The following CA10 variants were observed in gnomAD, a reference collection of about 807,000 sequenced individuals.
CA10 encodes the protein carbonic anhydrase 10 (inactive), also known as carbonic anhydrase-related protein 10.
A neutral mutation model predicts 44.2 loss-of-function variants in CA10; 14 were observed. That is an observed-to-expected ratio of 0.32 (90% CI 0.21 to 0.50). The LOEUF (loss-of-function observed/expected upper bound fraction) is 0.50, where lower values mean the gene tolerates loss of function less well. Among genes scored for constraint, CA10 ranks in the 20% least tolerant of loss-of-function variants. The pLI, the probability that CA10 is intolerant of heterozygous loss-of-function variation, is 0.99. For missense variants in CA10, 350 were observed against 409.7 expected, an observed-to-expected ratio of 0.85 and a Z score of 1.26; for synonymous variants, 159 against 141.6, an observed-to-expected ratio of 1.12 and a Z score of -0.87.
intron 2 of CA10, among the ~76,000 whole-genome samples, chr17:51,957,168 A>T (rs1983698045): frequency 6.6e-6 from 1 of 152,214 alleles, no homozygotes; most frequent in Admixed American, 6.5e-5. Context: ...TTGCGAGTTA[A>T]TTAAAGTAGA....
chr17:51,872,451 A>G (rs1244996220), intron 3 of CA10, among the ~76,000 whole-genome samples: 9 of 152,158 alleles, frequency 5.9e-5, no homozygotes, highest in Non-Finnish European at 1.2e-4. Context: ...TATCAGCCCC[A>G]TCCCACCAGA....
chr17:51,912,493 G>GA (rs1026356878), intron 3 of CA10, among the ~76,000 whole-genome samples: 1 of 151,720 alleles, frequency 6.6e-6, no homozygotes, highest in Non-Finnish European at 1.5e-5. Flanking sequence ...CAATGAAAAA[G>GA]AAAAAAAGAA....
At chr17:51,899,865 C>T (rs1489471513) in intron 3 of CA10, among the ~76,000 whole-genome samples, 2 of 151,314 alleles carry the variant, frequency 1.3e-5, no homozygotes, top group Non-Finnish European at 2.9e-5. Context: ...ATATCAACTC[C>T]TGATTTGTTT....
intron 2 of CA10, among the ~76,000 whole-genome samples, chr17:51,989,630 A>C (rs1984970725): frequency 6.6e-6 from 1 of 152,072 alleles, no homozygotes; most frequent in South Asian, 2.1e-4. Context: ...TGTAAAAAAG[A>C]ATGAGATCAT....
intron 2 of CA10, among the ~76,000 whole-genome samples, chr17:52,037,787 T>C (rs1051251526): frequency 1.3e-5 from 2 of 152,138 alleles, no homozygotes; most frequent in Non-Finnish European, 2.9e-5. Flanking sequence ...CTCTGTGCCT[T>C]TGGTCATCCT....
At chr17:52,109,143 A>C (rs1380666025) in intron 1 of CA10, among the ~76,000 whole-genome samples, 1 of 152,186 alleles carries the variant, frequency 6.6e-6, no homozygotes, top group Non-Finnish European at 1.5e-5. Flanking sequence ...GAAGGGAGTC[A>C]TAGGGGCATT....
At chr17:51,815,782 AGTGTGT>A (rs149094529) in intron 3 of CA10, among the ~76,000 whole-genome samples, 4 of 150,388 alleles carry the variant, frequency 2.7e-5, no homozygotes, top group Admixed American at 1.3e-4. Context: ...GCAGGTACAC[AGTGTGT>A]GTGTGTGTGT....
At chr17:51,895,243 G>C (rs947600485) in intron 3 of CA10, among the ~76,000 whole-genome samples, 2 of 151,988 alleles carry the variant, frequency 1.3e-5, no homozygotes, top group Non-Finnish European at 2.9e-5. Flanking sequence ...AGAAACATGG[G>C]ATTCTGAAGA....
rs555137138 is a variant in CA10 at position 51,694,869 on chromosome 17, G to T, written c.466-41133C>A. ...GGTAGGGGTCCAGTTTCATTCTTCC[G>T]CATATGGCTAGCTGGCTTTTCCAGC... On this transcript the variant is annotated intron_variant, in intron 4 of 8. Coordinates refer to ENST00000451037, the MANE Select transcript of CA10 (RefSeq NM_020178.5). 2.6e-5 allele frequency among the ~76,000 whole-genome samples: 4 copies of T among 152,192 alleles called. No homozygotes were observed. The East Asian group carries it at 7.7e-4, about 29-fold the overall frequency.
chr17:51,821,050 TCC>T (rs1907768763), intron 3 of CA10, among the ~76,000 whole-genome samples: 1 of 21,888 alleles, frequency 4.6e-5, no homozygotes, highest in Non-Finnish European at 9.1e-5. Context: ...CCTCCCTCCC[TCC>T]CTCCCTCCCT....
At chr17:51,679,996 A>G (rs998738342) in intron 4 of CA10, among the ~76,000 whole-genome samples, 1 of 152,158 alleles carries the variant, frequency 6.6e-6, no homozygotes, top group African/African-American at 2.4e-5. Flanking sequence ...TTGTTTGCAT[A>G]TTGTCTGTGA....
At chr17:51,790,277 C>T (rs1025004462) in intron 3 of CA10, among the ~76,000 whole-genome samples, 9 of 152,210 alleles carry the variant, frequency 5.9e-5, no homozygotes, top group Middle Eastern at 3.4e-3. Flanking sequence ...CTCAATGATG[C>T]GAAGAGAAGG....
At chr17:51,926,772 C>A (rs980930938) in intron 3 of CA10, among the ~76,000 whole-genome samples, 1 of 152,142 alleles carries the variant, frequency 6.6e-6, no homozygotes, top group Non-Finnish European at 1.5e-5. Flanking sequence ...TCCAGGGTAA[C>A]CTTCCAGTTT....
intron 1 of CA10, among the ~76,000 whole-genome samples, chr17:52,106,395 A>T (rs777137434): frequency 6.6e-6 from 1 of 152,214 alleles, no homozygotes; most frequent in Admixed American, 6.5e-5. Context: ...TGAAAATTGA[A>T]TAGGGAGGAA....
intron 4 of CA10, among the ~76,000 whole-genome samples, chr17:51,745,991 T>C (rs947788750): frequency 9.9e-5 from 15 of 152,250 alleles, no homozygotes; most frequent in African/African-American, 3.6e-4. Flanking sequence ...TCTGTCCTGC[T>C]TTCATTACAT....
intron 4 of CA10, among the ~76,000 whole-genome samples, chr17:51,734,976 C>A (rs143391682): frequency 2.0e-5 from 3 of 152,222 alleles, no homozygotes; most frequent in East Asian, 1.9e-4. Context: ...AAGGAGGAGG[C>A]TTTTTCTCCT....
At chr17:52,157,318 AG>A (rs1157265272) in intron 1 of CA10, among the ~76,000 whole-genome samples, 2 of 152,008 alleles carry the variant, frequency 1.3e-5, no homozygotes, top group African/African-American at 4.8e-5. Flanking sequence ...ATACCCGGGC[AG>A]GGCCCCGCGT....
At chr17:51,719,759 T>C (rs1240148279) in intron 4 of CA10, among the ~76,000 whole-genome samples, 2 of 152,108 alleles carry the variant, frequency 1.3e-5, no homozygotes, top group African/African-American at 4.8e-5. Flanking sequence ...CATGGTGGCA[T>C]GAGCCTGTAA....
chr17:52,047,566 G>A (rs1567714636), intron 2 of CA10, among the ~76,000 whole-genome samples: 2 of 151,780 alleles, frequency 1.3e-5, no homozygotes, highest in Non-Finnish European at 2.9e-5. Flanking sequence ...TCAATTTTAA[G>A]AAAAGTTTCA....
Sources: gnomAD v4.1 joint callset for allele counts (sites outside exome capture counted in the v4.1 genomes callset) on GRCh38, gnomAD v4.1.1 for gene constraint, MANE v1.5 for transcripts, NCBI Gene and HGNC (gene_info 2026-07-23, HGNC 2026-07-21) for gene names.